TNRC18: variants seen among roughly 807,000 people sequenced by gnomAD.
TNRC18 encodes trinucleotide repeat containing 18.
A neutral mutation model predicts 226.7 loss-of-function variants in TNRC18; 69 were observed. That is an observed-to-expected ratio of 0.30 (90% confidence interval 0.25 to 0.37). TNRC18 has a LOEUF of 0.37. Ranked by LOEUF, TNRC18 falls within the 10% of genes least tolerant of loss-of-function variation. The pLI, the probability that TNRC18 is intolerant of heterozygous loss-of-function variation, is 1.00. For missense variants in TNRC18, 4,754 were observed against 4,256.6 expected, an observed-to-expected ratio of 1.12 and a Z score of -3.25; for synonymous variants, 2,449 against 1,927.6, an observed-to-expected ratio of 1.27 and a Z score of -7.09.
At chr7:5,341,591 C>A (rs536906002) in intron 18 of TNRC18, among the ~76,000 whole-genome samples, 3 of 151,560 alleles carry the variant, frequency 2.0e-5, no homozygotes, top group African/African-American at 7.3e-5. Context: ...TGGGGAAACC[C>A]CGTTTCTACC....
At chr7:5,414,912 T>C (rs942882914) in intron 2 of TNRC18, among the ~76,000 whole-genome samples, 25 of 152,250 alleles carry the variant, frequency 1.6e-4, no homozygotes, top group African/African-American at 5.5e-4. Flanking sequence ...GAGCCATACA[T>C]TGCCTTTAGC....
chr7:5,415,924 T>A (rs1286281324), intron 2 of TNRC18, among the ~76,000 whole-genome samples: 2 of 139,264 alleles, frequency 1.4e-5, no homozygotes, highest in Admixed American at 7.2e-5. Context: ...CTGGCCAACA[T>A]GGCGAAACCC....
intron 10 of TNRC18, among the ~76,000 whole-genome samples, chr7:5,371,974 T>C (rs528998727): frequency 1.1e-4 from 17 of 152,262 alleles, no homozygotes; most frequent in African/African-American, 3.4e-4. Flanking sequence ...CTCAGCTCAC[T>C]GCAACCTGCA....
chr7:5,391,853 A>ATTT (rs147029942), intron 3 of TNRC18, among the ~76,000 whole-genome samples: 6 of 130,830 alleles, frequency 4.6e-5, no homozygotes, highest in African/African-American at 1.6e-4. Context: ...AAAAAAAAAA[A>ATTT]TTTAAATAGT....
At chr7:5,344,440 C>T (rs1790967826) in intron 18 of TNRC18, among the ~76,000 whole-genome samples, 1 of 152,088 alleles carries the variant, frequency 6.6e-6, no homozygotes, top group Non-Finnish European at 1.5e-5. Flanking sequence ...AGGCCTGGAG[C>T]CCAGCAAACA....
At position 5,387,695 on chromosome 7, in the gene TNRC18, G is replaced by T; in HGVS notation, c.2129C>A (p.Ser710Tyr). The T allele has an allele frequency of 1.2e-6, 2 of 1,605,098 alleles. No homozygotes were observed. The highest frequency in any genetic ancestry group is 1.7e-6 in the Non-Finnish European group (2 of 1,179,852). The change falls in exon 5 of 30, where the codon TCT becomes TAT. Residue 710 changes from serine (S) to tyrosine (Y), a missense_variant. By Grantham distance (144) the Ser-to-Tyr change is moderately radical. Transcript: ENST00000430969. The stretch of plus-strand genomic sequence containing the variant: ...ACCTTTGACGTTACTCAGCGACAGA[G>T]AGCGCTCCTGGTCTACCAGCCCAGG... ...LGPGLVDQER[S>Y]LSLSNVKGHG...
rs920452316 is a variant in TNRC18, at chr7:5,421,335, G to A, written c.-89C>T. 2.3e-5 allele frequency: 27 copies of A among 1,165,242 alleles called. No individual in the cohort carries two copies. The highest frequency in any genetic ancestry group is 2.7e-5 in the Non-Finnish European group (25 of 929,902). 72.2% of individuals were successfully genotyped at this position (1,165,242 alleles called of 1,614,324 possible). On this transcript the variant is annotated 5_prime_UTR_variant, in exon 2 of 30. Transcript: ENST00000430969. The stretch of plus-strand genomic sequence containing the variant: ...AAAGTTCGGCCTCGGCGTAGTCCCA[G>A]AGTCCTCGGGCGGCGGGGGCTCCGC...
rs1788736604 is a variant in TNRC18 at position 5,324,875 on chromosome 7, C to T, written c.6300+221G>A. On this transcript the variant is annotated intron_variant, in intron 20 of 29. Coordinates refer to ENST00000430969, the MANE Select transcript of TNRC18 (RefSeq NM_001080495.3). The surrounding 1 kb of genome is among the most constrained non-coding windows in gnomAD (Gnocchi z 4.8). ...TGGTCTCTGTTCCAGTGTCCCTCGC[C>T]CCCGCTAGAGCAGACATTTCCTGAG... 6.6e-6 allele frequency among the ~76,000 whole-genome samples: 1 copy of T among 152,198 alleles called. No homozygotes were observed. The highest frequency in any genetic ancestry group is 1.5e-5 in the Non-Finnish European group (1 of 68,022).
chr7:5,314,941 G>C (rs368398241), intron 26 of TNRC18, 43 bp downstream of exon 26: 1 of 1,560,864 alleles, frequency 6.4e-7, no homozygotes, highest in East Asian at 2.3e-5. Flanking sequence ...ATGCACGAAG[G>C]AGATCCGCCC....
At chr7:5,335,084 C>G (rs1213980151) in intron 18 of TNRC18, among the ~76,000 whole-genome samples, 8 of 149,346 alleles carry the variant, frequency 5.4e-5, no homozygotes, top group African/African-American at 2.0e-4. Context: ...GGCGGATCAC[C>G]TGAGGTCAGG....
Position 5,421,377 on chromosome 7 carries a change from GC to G in TNRC18, c.-132del. On this transcript the variant is annotated 5_prime_UTR_variant, in exon 2 of 30. The change abolishes the stop of an existing upstream ORF in the 5' untranslated region. Coordinates refer to ENST00000430969, the MANE Select transcript of TNRC18 (RefSeq NM_001080495.3). ...GGGCTCCGCGGCGTGCATGGCGGCG[GC>G]CAGCGGGGCTTGCGCTCGGCGGCGG... The G allele has an allele frequency of 2.2e-6, 2 of 896,880 alleles. No homozygotes were observed. The highest frequency in any genetic ancestry group is 2.9e-6 in the Non-Finnish European group (2 of 700,686). 55.6% of individuals were successfully genotyped at this position (896,880 alleles called of 1,614,324 possible).
chr7:5,315,541 A>G (rs572503940), intron 25 of TNRC18, among the ~76,000 whole-genome samples: 1 of 151,844 alleles, frequency 6.6e-6, no homozygotes, highest in South Asian at 2.1e-4. Context: ...CTCCTGCCTC[A>G]GCCTCCTGAG....
At chr7:5,372,005 C>T (rs1361622917) in intron 10 of TNRC18, among the ~76,000 whole-genome samples, 1 of 152,204 alleles carries the variant, frequency 6.6e-6, no homozygotes, top group Admixed American at 6.5e-5. Context: ...TCCAACGAAT[C>T]TCCTGCCTCA....
intron 4 of TNRC18, 71 bp from the exon 5 acceptor site, chr7:5,389,407 G>C (rs919464112): frequency 8.2e-7 from 1 of 1,214,634 alleles, no homozygotes; most frequent in African/African-American, 1.6e-5. Context: ...GGCGGAGGCG[G>C]ACCCCTGAGA....
chr7:5,382,254 C>A (rs1372317719), intron 5 of TNRC18, among the ~76,000 whole-genome samples: 1 of 152,196 alleles, frequency 6.6e-6, no homozygotes, highest in Non-Finnish European at 1.5e-5. Context: ...ACATACACGG[C>A]CCCACACAGG....
At chr7:5,372,885 A>T (rs1430220008) in intron 10 of TNRC18, among the ~76,000 whole-genome samples, 1 of 152,090 alleles carries the variant, frequency 6.6e-6, no homozygotes, top group African/African-American at 2.4e-5. Context: ...TTGGCCAGAC[A>T]TGGTGGCTCA....
At chr7:5,362,304 T>G (rs1023275305) in intron 12 of TNRC18, among the ~76,000 whole-genome samples, 1 of 152,126 alleles carries the variant, frequency 6.6e-6, no homozygotes, top group Admixed American at 6.5e-5. Context: ...TGAGGGCCAC[T>G]GTGTCATTTA....
chr7:5,328,252 G>C (rs1789138419), intron 19 of TNRC18, among the ~76,000 whole-genome samples: 1 of 152,052 alleles, frequency 6.6e-6, no homozygotes, highest in Non-Finnish European at 1.5e-5. Context: ...TCCAGGTGTG[G>C]TGGCTCACGC....
chr7:5,317,801 G>A (rs1222865387), intron 24 of TNRC18, among the ~76,000 whole-genome samples: 2 of 151,600 alleles, frequency 1.3e-5, no homozygotes, highest in Non-Finnish European at 2.9e-5. Flanking sequence ...GACCACCCAG[G>A]CTCAGGTGAT....
Sources: allele counts gnomAD v4.1 joint callset (sites outside exome capture counted in the v4.1 genomes callset), GRCh38; gene constraint gnomAD v4.1.1; non-coding constraint Gnocchi (gnomAD v3.1); transcripts MANE v1.5; gene names NCBI Gene and HGNC (gene_info 2026-07-23, HGNC 2026-07-21).